Variants in GYPE observed in about 807,000 individuals in gnomAD.
The protein encoded by GYPE is glycophorin-E.
A neutral mutation model predicts 11.6 loss-of-function variants in GYPE; 8 were observed. That is an observed-to-expected ratio of 0.69 (90% CI 0.41 to 1.25). The LOEUF (loss-of-function observed/expected upper bound fraction) is 1.25. GYPE is among the 50% of genes most tolerant of loss of function. GYPE has a pLI of 0.01. For missense variants in GYPE, 90 were observed against 92.8 expected (o/e 0.97, Z 0.12); for synonymous variants, 28 against 29.6 (o/e 0.94, Z 0.18).
intron 1 of GYPE, among the ~76,000 whole-genome samples, chr4:143,897,869 T>C (rs1354943547): frequency 1.1e-4 from 17 of 151,994 alleles, no homozygotes; most frequent in Admixed American, 1.1e-3. Context: ...AGTTAGCTAA[T>C]GGGACAATTT....
rs552189366 is a variant in GYPE, at chr4:143,880,828, A to G, written c.38-319T>C. 4.6e-5 allele frequency among the ~76,000 whole-genome samples: 7 copies of G among 152,242 alleles called. No individual in the cohort carries two copies. In the South Asian group the frequency reaches 1.5e-3, roughly 32 times the overall value. On this transcript the variant is annotated intron_variant, in intron 1 of 3. Transcript: ENST00000358615. ...CATTGTGAGAATGAAATTAGTTTAA[A>G]TATGTGTATGTGGTGTGTGTGTATG...
chr4:143,873,484 G>C, intron 3 of GYPE: 1 of 455,532 alleles, frequency 2.2e-6, no homozygotes, highest in Non-Finnish European at 4.4e-6. Context: ...ACCTACAAGA[G>C]AGAAGAGCCA....
Position 143,876,751 on chromosome 4 carries a change from T to A in GYPE, c.*4A>T. 1 of 1,531,802 alleles carries A rather than the reference T, an allele frequency of 6.5e-7. No homozygotes were observed. The highest frequency in any genetic ancestry group is 9.0e-7 in the Non-Finnish European group (1 of 1,106,956). The allele number at this position is 1,531,802 out of a possible 1,614,324, so 94.9% of individuals were successfully genotyped here. A position where few individuals can be genotyped will look rare whatever the true frequency, so the allele number is the denominator to read the frequency against. ...ATTAAAAACTGAATTCTCACCTTTA[T>A]CAGTCATCGAATACAGTAAGAAATT... On this transcript the variant is annotated 3_prime_UTR_variant, in exon 3 of 4. Transcript: ENST00000358615.
chr4:143,879,237 C>A (rs1364251586), intron 2 of GYPE, among the ~76,000 whole-genome samples: 2 of 152,184 alleles, frequency 1.3e-5, no homozygotes, highest in African/African-American at 4.8e-5. Context: ...CTAACCTTCC[C>A]TCTCAGTCCA....
rs1256932912 is a variant in GYPE, at chr4:143,877,768, C to A, written c.137-913G>T. Among the ~76,000 whole-genome samples the A allele has an allele frequency of 1.7e-4, 25 of 150,042 alleles. 1 individual carries two copies. In the South Asian group the frequency reaches 4.1e-3, roughly 25 times the overall value. ...CTTTTTACCCTGTGAGCCATGGACA[C>A]GGCCAAGTGTGAAGGGAGGGTTAGA... On this transcript the variant is annotated intron_variant, in intron 2 of 3. Transcript: ENST00000358615.
chr4:143,878,963 CT>C (rs1213302806), intron 2 of GYPE, among the ~76,000 whole-genome samples: 1 of 152,120 alleles, frequency 6.6e-6, no homozygotes, highest in Admixed American at 6.5e-5. Context: ...GGAAGAATCA[CT>C]TATTGACTTC....
At chr4:143,905,367 A>C in intron 1 of GYPE, 104 bp downstream of exon 1, 1 of 1,561,978 alleles carries the variant, frequency 6.4e-7, no homozygotes. Flanking sequence ...AATACTACTC[A>C]TTTATGCATT....
At chr4:143,880,350 T>A (rs1207559679) in intron 2 of GYPE, 61 bp downstream of exon 2, 1 of 1,576,544 alleles carries the variant, frequency 6.3e-7, no homozygotes, top group East Asian at 2.3e-5. Context: ...TCCCCTAAAA[T>A]AGGGTTGCAT....
At position 143,881,523 on chromosome 4, in the gene GYPE, C is replaced by G. The variant is rs541287398; in HGVS notation, c.38-1014G>C. Among the ~76,000 whole-genome samples, 898 of 152,052 alleles carry G rather than the reference C, an allele frequency of 5.9e-3. 13 individuals carry two copies. The highest frequency in any genetic ancestry group is 0.021 in the African/African-American group (852 of 41,422). On this transcript the variant is annotated intron_variant, in intron 1 of 3. Coordinates refer to ENST00000358615, the MANE Select transcript of GYPE (RefSeq NM_198682.3). ...CCATCTGAACTTTTAGTTGTTATAT[C>G]TAAATATGGGATCATGGTGTTTAAA... is the stretch of plus-strand genomic sequence containing the variant.
chr4:143,900,205 T>A (rs1489934979), intron 1 of GYPE, among the ~76,000 whole-genome samples: 1 of 143,836 alleles, frequency 7.0e-6, no homozygotes, highest in African/African-American at 2.5e-5. Context: ...ATTCTCAGCA[T>A]CATGAGTTAT....
At chr4:143,892,500 G>T (rs1056534790) in intron 1 of GYPE, among the ~76,000 whole-genome samples, 1 of 151,470 alleles carries the variant, frequency 6.6e-6, no homozygotes. Context: ...AGAGATTCTG[G>T]TATGTTGTGT....
At position 143,871,472 on chromosome 4, in the gene GYPE, C is replaced by T. The variant is rs574457933; in HGVS notation, c.*790G>A. The T allele has an allele frequency of 2.6e-5, 4 of 152,286 alleles. No individual in the cohort carries two copies. The highest frequency in any genetic ancestry group is 4.2e-4 in the South Asian group (2 of 4,816). The allele number at this position is 152,286 out of a possible 1,614,324, so 9.4% of individuals were successfully genotyped here. On this transcript the variant is annotated 3_prime_UTR_variant, in exon 4 of 4. Coordinates refer to ENST00000358615, the MANE Select transcript of GYPE (RefSeq NM_198682.3). ...TGTGTTCACTGCTGGGGCCAGATCTCTTTGCAGGGCTATGTTAGGCTTTAC... is the reference window on the plus strand; with the variant it reads ...TGTGTTCACTGCTGGGGCCAGATCTTTTTGCAGGGCTATGTTAGGCTTTAC...
chr4:143,902,340 GAAAA>G (rs201093353), intron 1 of GYPE, among the ~76,000 whole-genome samples: 10 of 133,684 alleles, frequency 7.5e-5, no homozygotes, highest in Non-Finnish European at 9.6e-5. Flanking sequence ...TTGGATCCCT[GAAAA>G]AAAAAAAAAA....
intron 1 of GYPE, among the ~76,000 whole-genome samples, chr4:143,889,557 G>A (rs186526326): frequency 3.2e-4 from 48 of 152,064 alleles, no homozygotes; most frequent in African/African-American, 1.1e-3. Flanking sequence ...TCTTGAGATA[G>A]GGTCTCACCA....
At chr4:143,873,472 C>A in intron 3 of GYPE, 1 of 455,672 alleles carries the variant, frequency 2.2e-6, no homozygotes, top group South Asian at 1.6e-5. Context: ...ACCAATAACA[C>A]AACCTACAAG....
chr4:143,903,169 C>G (rs1744929998), intron 1 of GYPE, among the ~76,000 whole-genome samples: 1 of 151,934 alleles, frequency 6.6e-6, no homozygotes, highest in Admixed American at 6.6e-5. Flanking sequence ...TATCATCTTA[C>G]CTGGTTTTAT....
intron 1 of GYPE, among the ~76,000 whole-genome samples, chr4:143,894,337 G>T (rs1262575414): frequency 6.6e-6 from 1 of 152,122 alleles, no homozygotes; most frequent in African/African-American, 2.4e-5. Flanking sequence ...GTCCAGCTTT[G>T]TTCCGTTGCT....
intron 1 of GYPE, among the ~76,000 whole-genome samples, chr4:143,903,615 A>T (rs1578984546): frequency 6.6e-6 from 1 of 151,480 alleles, no homozygotes; most frequent in Non-Finnish European, 1.5e-5. Context: ...TTGATCTTAC[A>T]CCTTTCTGTT....
chr4:143,901,939 C>T (rs1744882683), intron 1 of GYPE, among the ~76,000 whole-genome samples: 2 of 152,006 alleles, frequency 1.3e-5, no homozygotes. Context: ...AACCCTATTT[C>T]ACACCAAGCT....
Sources: allele counts gnomAD v4.1 joint callset (sites outside exome capture counted in the v4.1 genomes callset), GRCh38; gene constraint gnomAD v4.1.1; transcripts MANE v1.5; gene names NCBI Gene and HGNC (gene_info 2026-07-23, HGNC 2026-07-21).